The following ZNF804A variants were observed in gnomAD, a reference collection of about 807,000 sequenced individuals.
ZNF804A encodes zinc finger protein 804A.
ZNF804A carries 2 observed loss-of-function variants against 16.5 expected under a neutral mutation model. The observed-to-expected ratio is 0.12, with a 90% CI of 0.05 to 0.38. ZNF804A has a LOEUF of 0.38. Among genes scored for constraint, ZNF804A ranks in the 10% least tolerant of loss-of-function variants. The pLI is 0.99. For missense variants in ZNF804A, 1,473 were observed against 1,390.7 expected (o/e 1.06, Z -0.94); for synonymous variants, 534 against 489.6 (o/e 1.09, Z -1.20).
chr2:184,836,930 G>C (rs1029533651), intron 1 of ZNF804A, among the ~76,000 whole-genome samples: 1 of 151,324 alleles, frequency 6.6e-6, no homozygotes, highest in Admixed American at 6.6e-5. Flanking sequence ...AACTGCTTTT[G>C]TTCCCTGACT....
chr2:184,909,235 C>G (rs1283186042), intron 2 of ZNF804A, among the ~76,000 whole-genome samples: 1 of 151,988 alleles, frequency 6.6e-6, no homozygotes, highest in Non-Finnish European at 1.5e-5. Flanking sequence ...GAAAATGTAG[C>G]AAAATTAACA....
chr2:184,669,388 C>T (rs950257483), intron 1 of ZNF804A, among the ~76,000 whole-genome samples: 2 of 151,992 alleles, frequency 1.3e-5, no homozygotes, highest in African/African-American at 2.4e-5. Context: ...AGTTTCAAAT[C>T]GTATCTTATA....
chr2:184,833,369 A>T (rs772789112), intron 1 of ZNF804A, among the ~76,000 whole-genome samples: 1 of 152,030 alleles, frequency 6.6e-6, no homozygotes, highest in Admixed American at 6.6e-5. Context: ...GTTCTGTCCA[A>T]CAGAAATATT....
intron 1 of ZNF804A, among the ~76,000 whole-genome samples, chr2:184,852,004 C>T (rs1214637631): frequency 6.6e-6 from 1 of 151,798 alleles, no homozygotes; most frequent in Admixed American, 6.6e-5. Context: ...AATGTCTATT[C>T]AGGTCCTTTG....
chr2:184,900,197 A>T (rs1685155899), intron 2 of ZNF804A, among the ~76,000 whole-genome samples: 1 of 152,220 alleles, frequency 6.6e-6, no homozygotes, highest in Admixed American at 6.5e-5. Context: ...TTATCCTGCT[A>T]GCTTTGCTCA....
chr2:184,753,813 CAT>C (rs1693913702), intron 1 of ZNF804A, among the ~76,000 whole-genome samples: 1 of 151,794 alleles, frequency 6.6e-6, no homozygotes, highest in African/African-American at 2.4e-5. Context: ...TATAAGCTAA[CAT>C]GTGGATGAAG....
chr2:184,656,894 G>A (rs1397617059), intron 1 of ZNF804A, among the ~76,000 whole-genome samples: 7 of 151,892 alleles, frequency 4.6e-5, no homozygotes, highest in African/African-American at 1.5e-4. Context: ...TTTTGTTCTC[G>A]AGCTCTTTCA....
At chr2:184,869,835 C>A (rs180683551) in intron 2 of ZNF804A, among the ~76,000 whole-genome samples, 3 of 152,022 alleles carry the variant, frequency 2.0e-5, no homozygotes, top group Non-Finnish European at 4.4e-5. Flanking sequence ...GCTTTGAACT[C>A]TAAACTTCAA....
chr2:184,700,900 A>ATAGT (rs1692908939), intron 1 of ZNF804A, among the ~76,000 whole-genome samples: 1 of 151,992 alleles, frequency 6.6e-6, no homozygotes, highest in South Asian at 2.1e-4. Context: ...TATTCATTGT[A>ATAGT]TAGTGATTAA....
chr2:184,728,116 T>TATTA (rs56678101), intron 1 of ZNF804A, among the ~76,000 whole-genome samples: 50,482 of 151,192 alleles, frequency 0.33, 11,718 homozygotes, highest in African/African-American at 0.66. Context: ...AATGAAAATC[T>TATTA]ATTAAAAAAT....
chr2:184,624,127 G>A (rs776377220), intron 1 of ZNF804A, among the ~76,000 whole-genome samples: 1 of 152,106 alleles, frequency 6.6e-6, no homozygotes, highest in Non-Finnish European at 1.5e-5. Flanking sequence ...GCAGTTACCA[G>A]TAGATTAAAG....
At chr2:184,669,509 A>G (rs1227611138) in intron 1 of ZNF804A, among the ~76,000 whole-genome samples, 1 of 152,108 alleles carries the variant, frequency 6.6e-6, no homozygotes, top group Non-Finnish European at 1.5e-5. Flanking sequence ...ACTGGTAAAA[A>G]GTAATTTCTA....
intron 2 of ZNF804A, among the ~76,000 whole-genome samples, chr2:184,885,721 G>A (rs1558992574): frequency 6.6e-6 from 1 of 152,138 alleles, no homozygotes; most frequent in Non-Finnish European, 1.5e-5. Flanking sequence ...GAGAAAATGA[G>A]GAGGAACCAA....
chr2:184,705,724 AC>A (rs1251787671), intron 1 of ZNF804A, among the ~76,000 whole-genome samples: 1 of 152,204 alleles, frequency 6.6e-6, no homozygotes, highest in African/African-American at 2.4e-5. Flanking sequence ...ATAAATACAC[AC>A]ACATAACACA....
chr2:184,727,043 C>G (rs1001211128), intron 1 of ZNF804A, among the ~76,000 whole-genome samples: 2 of 151,586 alleles, frequency 1.3e-5, no homozygotes, highest in African/African-American at 4.8e-5. Context: ...TAAACCTTAT[C>G]TATAAGCAAA....
chr2:184,626,281 A>G lies in ZNF804A; in HGVS notation c.111+27211A>G, dbSNP rs77358194. On this transcript the variant is annotated intron_variant, in intron 1 of 3. Transcript: ENST00000302277. ...GTATTTTGAGAGCAGCTTGAGTGGT[A>G]TATTTTCAGCATTGTGGATGGAGTA... Among the ~76,000 whole-genome samples the G allele has an allele frequency of 3.3e-3, 498 of 152,252 alleles. 5 individuals are homozygous for G. The highest frequency in any genetic ancestry group is 0.012 in the African/African-American group (484 of 41,558).
intron 3 of ZNF804A, among the ~76,000 whole-genome samples, chr2:184,935,518 G>T (rs1371580069): frequency 6.6e-6 from 1 of 152,016 alleles, no homozygotes; most frequent in African/African-American, 2.4e-5. Flanking sequence ...AGATAGAACT[G>T]GTTAAGAGCA....
chr2:184,756,166 T>G (rs1693956423), intron 1 of ZNF804A, among the ~76,000 whole-genome samples: 3 of 152,082 alleles, frequency 2.0e-5, no homozygotes, highest in Non-Finnish European at 4.4e-5. Flanking sequence ...CAACATGATT[T>G]TATATTGTAT....
rs1333013824 is a variant in ZNF804A at position 184,747,339 on chromosome 2, A to AG, written c.112-119030_112-119029insG. Among the ~76,000 whole-genome samples, 1,115 of 149,518 alleles carry AG rather than the reference A, an allele frequency of 7.5e-3. 18 individuals are homozygous for AG. The highest frequency in any genetic ancestry group is 0.026 in the African/African-American group (1,063 of 40,994). ...CTTGCTGCAAAAAAAAAAAAAAAAA[A>AG]AAAGAAATGTTTGAAATAAATAAAC... is the stretch of plus-strand genomic sequence containing the variant. On this transcript the variant is annotated intron_variant, in intron 1 of 3. Transcript: ENST00000302277.
Sources: allele counts gnomAD v4.1 joint callset (sites outside exome capture counted in the v4.1 genomes callset), GRCh38; gene constraint gnomAD v4.1.1; transcripts MANE v1.5; gene names NCBI Gene and HGNC (gene_info 2026-07-23, HGNC 2026-07-21).